Variants in PIK3CB observed in about 807,000 individuals in gnomAD.
PIK3CB encodes phosphatidylinositol-4,5-bisphosphate 3-kinase catalytic subunit beta.
In PIK3CB, 39 loss-of-function variants were observed where a neutral mutation model predicts 136.8. The observed-to-expected ratio is 0.29, with a 90% CI of 0.22 to 0.37. PIK3CB has a LOEUF of 0.37. PIK3CB is among the 10% of genes least tolerant of loss of function. The pLI is 1.00. For synonymous variants in PIK3CB, 428 were observed against 436.6 expected, an observed-to-expected ratio of 0.98 and a Z score of 0.25; for missense variants, 868 against 1,275.4, an observed-to-expected ratio of 0.68 and a Z score of 4.87.
At position 138,653,072 on chromosome 3, in the gene PIK3CB, A is replaced by T. The variant is rs913349074; in HGVS notation, c.*2317T>A. ...ATGTAAACACAGAATACTATAAATC[A>T]TTGCGGATATAAATGAAAGATAATC... On this transcript the variant is annotated 3_prime_UTR_variant, in exon 24 of 24. Coordinates refer to ENST00000674063, the MANE Select transcript of PIK3CB (RefSeq NM_006219.3). 5.2e-6 allele frequency: 1 copy of T among 193,762 alleles called. No individual in the cohort carries two copies. Among genetic ancestry groups the T allele is most frequent in the African/African-American group, 2.3e-5 (1 of 43,180 alleles). 12.0% of individuals were successfully genotyped at this position (193,762 alleles called of 1,614,324 possible). A position where few individuals can be genotyped will look rare whatever the true frequency, so the allele number is the denominator to read the frequency against.
At chr3:138,734,110 A>C (rs918647544) in intron 7 of PIK3CB, among the ~76,000 whole-genome samples, 18 of 152,196 alleles carry the variant, frequency 1.2e-4, no homozygotes, top group African/African-American at 4.3e-4. Flanking sequence ...TAACTGACTA[A>C]AAAGTATTAA....
chr3:138,771,286 G>A (rs933793881), intron 2 of PIK3CB, among the ~76,000 whole-genome samples: 2 of 148,152 alleles, frequency 1.3e-5, no homozygotes. Flanking sequence ...GCAGTGGCGC[G>A]ATCTTGGCTC....
intron 2 of PIK3CB, among the ~76,000 whole-genome samples, chr3:138,761,662 C>T (rs2045663387): frequency 1.3e-5 from 2 of 151,908 alleles, no homozygotes; most frequent in African/African-American, 4.8e-5. Context: ...CCCAGCTACT[C>T]AGAAGGCTGA....
At chr3:138,833,724 C>G (rs1337675662) in intron 1 of PIK3CB, among the ~76,000 whole-genome samples, 1 of 152,208 alleles carries the variant, frequency 6.6e-6, no homozygotes, top group Non-Finnish European at 1.5e-5. Flanking sequence ...TGTTTCCATA[C>G]TCTTCGTGTG....
At chr3:138,656,832 G>A (rs1476209031) in intron 22 of PIK3CB, among the ~76,000 whole-genome samples, 2 of 151,944 alleles carry the variant, frequency 1.3e-5, no homozygotes, top group African/African-American at 2.4e-5. Flanking sequence ...GTGCAGTGGC[G>A]TGATCTTGGC....
At chr3:138,761,581 C>A (rs1255587043) in intron 2 of PIK3CB, among the ~76,000 whole-genome samples, 3 of 152,090 alleles carry the variant, frequency 2.0e-5, no homozygotes, top group Admixed American at 2.0e-4. Context: ...GCCAGCCTGG[C>A]CAATATGGTG....
At chr3:138,744,990 G>A (rs774960124) in intron 4 of PIK3CB, among the ~76,000 whole-genome samples, 1 of 152,122 alleles carries the variant, frequency 6.6e-6, no homozygotes, top group African/African-American at 2.4e-5. Context: ...TCCTTGATTG[G>A]TTCTGTTGTC....
At chr3:138,807,643 A>C (rs1001928992) in intron 1 of PIK3CB, among the ~76,000 whole-genome samples, 4 of 152,156 alleles carry the variant, frequency 2.6e-5, no homozygotes, top group East Asian at 1.9e-4. Context: ...CTATAATCCC[A>C]GCATTTTGGA....
intron 1 of PIK3CB, among the ~76,000 whole-genome samples, chr3:138,824,152 G>C (rs536624550): frequency 5.6e-4 from 85 of 152,308 alleles, no homozygotes; most frequent in Non-Finnish European, 1.1e-3. Context: ...TTAAACTGTA[G>C]TTTAAAACAA....
rs56139182 is a variant in PIK3CB at position 138,722,221 on chromosome 3, G to GACACACAC, written c.1051-7510_1051-7503dup. Among the ~76,000 whole-genome samples, 84 of 144,220 alleles carry GACACACAC rather than the reference G, an allele frequency of 5.8e-4. 1 individual carries two copies. Among genetic ancestry groups the GACACACAC allele is most frequent in the African/African-American group, 2.0e-3 (79 of 38,794 alleles). The allele number at this position is 144,220 out of a possible 152,430, so 94.6% of individuals were successfully genotyped here. On this transcript the variant is annotated intron_variant, in intron 8 of 23. Transcript: ENST00000674063. ...TCTGTATTGTATGTGCTATGTAAGA[G>GACACACAC]ACACACACACACACACACACACACA...
At chr3:138,818,655 C>G (rs1262340249) in intron 1 of PIK3CB, among the ~76,000 whole-genome samples, 1 of 152,118 alleles carries the variant, frequency 6.6e-6, no homozygotes, top group Non-Finnish European at 1.5e-5. Flanking sequence ...TCACTCTCTC[C>G]TCTCAGGCTA....
At chr3:138,688,822 TAAA>T (rs1179325139) in intron 16 of PIK3CB, 50 bp downstream of exon 16, 1 of 1,088,698 alleles carries the variant, frequency 9.2e-7, no homozygotes, top group East Asian at 2.4e-5. Flanking sequence ...ATTCATGCTT[TAAA>T]CGTTGTCTGT....
At chr3:138,678,350 T>C (rs974034833) in intron 19 of PIK3CB, among the ~76,000 whole-genome samples, 1 of 152,060 alleles carries the variant, frequency 6.6e-6, no homozygotes, top group Non-Finnish European at 1.5e-5. Flanking sequence ...TGGGTAACAG[T>C]GAGACTCTAT....
chr3:138,783,856 T>C (rs2045946295), intron 2 of PIK3CB, among the ~76,000 whole-genome samples: 1 of 151,946 alleles, frequency 6.6e-6, no homozygotes, highest in South Asian at 2.1e-4. Flanking sequence ...AAAAAGAACA[T>C]ATAAAGAACA....
intron 1 of PIK3CB, among the ~76,000 whole-genome samples, chr3:138,816,451 G>A (rs989395320): frequency 1.3e-5 from 2 of 151,782 alleles, no homozygotes; most frequent in South Asian, 2.1e-4. Context: ...AAAATTAACC[G>A]GGCATGGTGG....
At chr3:138,828,477 G>GCCCAGCC (rs2108926840) in intron 1 of PIK3CB, among the ~76,000 whole-genome samples, 1 of 152,058 alleles carries the variant, frequency 6.6e-6, no homozygotes, top group African/African-American at 2.4e-5. Flanking sequence ...AAACCACAGC[G>GCCCAGCC]CCCAGCCCCA....
intron 1 of PIK3CB, among the ~76,000 whole-genome samples, chr3:138,827,017 C>T (rs1288741911): frequency 6.6e-6 from 1 of 151,924 alleles, no homozygotes; most frequent in Non-Finnish European, 1.5e-5. Flanking sequence ...TGCAGTGAAC[C>T]GAGATTGCAC....
At chr3:138,660,963 A>G (rs1184687771) in intron 21 of PIK3CB, among the ~76,000 whole-genome samples, 1 of 152,158 alleles carries the variant, frequency 6.6e-6, no homozygotes, top group Non-Finnish European at 1.5e-5. Flanking sequence ...AACTAGGGAG[A>G]AATCTCAACT....
At chr3:138,673,191 G>A (rs888462422) in intron 19 of PIK3CB, among the ~76,000 whole-genome samples, 4 of 152,144 alleles carry the variant, frequency 2.6e-5, no homozygotes, top group South Asian at 2.1e-4. Flanking sequence ...GAACAGGAAA[G>A]TTTAATATAA....
Sources: gnomAD v4.1 joint callset for allele counts (sites outside exome capture counted in the v4.1 genomes callset) on GRCh38, gnomAD v4.1.1 for gene constraint, MANE v1.5 for transcripts, NCBI Gene and HGNC (gene_info 2026-07-23, HGNC 2026-07-21) for gene names.